Variants in STXBP5L observed in about 807,000 individuals in gnomAD.
STXBP5L encodes the protein syntaxin binding protein 5L, also known as syntaxin-binding protein 5-like.
A neutral mutation model predicts 144.5 loss-of-function variants in STXBP5L; 65 were observed. The ratio of observed to expected loss-of-function variants is 0.45; its 90% CI spans 0.37 to 0.55. STXBP5L has a LOEUF of 0.55. STXBP5L is among the 20% of genes least tolerant of loss of function. STXBP5L has a pLI of 0.00. For missense variants in STXBP5L, 1,298 were observed against 1,405.5 expected, an observed-to-expected ratio of 0.92 and a Z score of 1.22; for synonymous variants, 505 against 469.6, an observed-to-expected ratio of 1.08 and a Z score of -0.97.
chr3:121,314,875 C>T (rs894834091), intron 19 of STXBP5L, among the ~76,000 whole-genome samples: 26 of 152,140 alleles, frequency 1.7e-4, no homozygotes, highest in African/African-American at 6.3e-4. Flanking sequence ...CCAAAAGACA[C>T]ATGAAAAAAT....
intron 12 of STXBP5L, among the ~76,000 whole-genome samples, chr3:121,236,855 T>TA (rs1261684576): frequency 6.6e-6 from 1 of 152,238 alleles, no homozygotes; most frequent in Non-Finnish European, 1.5e-5. Context: ...ACTTCCAAGG[T>TA]AAAAATGGTT....
intron 3 of STXBP5L, among the ~76,000 whole-genome samples, chr3:120,977,450 G>C (rs1013822191): frequency 6.6e-6 from 1 of 152,154 alleles, no homozygotes; most frequent in African/African-American, 2.4e-5. Context: ...CTGCACGTGA[G>C]ATGGGTTTCC....
intron 19 of STXBP5L, among the ~76,000 whole-genome samples, chr3:121,309,484 C>G (rs944680529): frequency 6.6e-6 from 1 of 151,900 alleles, no homozygotes; most frequent in South Asian, 2.1e-4. Flanking sequence ...AACAGAGTTA[C>G]AAAATACATG....
chr3:121,370,323 A>C (rs968690796), intron 20 of STXBP5L, among the ~76,000 whole-genome samples: 2 of 152,152 alleles, frequency 1.3e-5, no homozygotes, highest in African/African-American at 2.4e-5. Flanking sequence ...AGCTGACATT[A>C]CACCACTGCA....
intron 9 of STXBP5L, among the ~76,000 whole-genome samples, chr3:121,204,786 A>T (rs111660894): frequency 0.019 from 2,940 of 152,252 alleles, 91 homozygotes; most frequent in African/African-American, 0.066. Flanking sequence ...AACCAAAATG[A>T]GAAAGAATTA....
At chr3:121,159,061 T>C (rs910088222) in intron 9 of STXBP5L, 3 of 152,082 alleles carry the variant, frequency 2.0e-5, no homozygotes, top group Non-Finnish European at 4.4e-5. Flanking sequence ...ATTTTGATAA[T>C]AGAGGCATTT....
intron 8 of STXBP5L, among the ~76,000 whole-genome samples, chr3:121,155,391 G>A (rs1490995595): frequency 6.6e-6 from 1 of 151,756 alleles, no homozygotes; most frequent in African/African-American, 2.4e-5. Flanking sequence ...TTTAGCCCCT[G>A]TAAAACTATT....
chr3:120,912,131 C>A (rs1271406845), intron 2 of STXBP5L, among the ~76,000 whole-genome samples: 1 of 151,888 alleles, frequency 6.6e-6, no homozygotes, highest in Non-Finnish European at 1.5e-5. Flanking sequence ...TTTCTACATC[C>A]CCAGTACTTG....
At chr3:121,342,351 T>A (rs9845254) in intron 20 of STXBP5L, among the ~76,000 whole-genome samples, 15,183 of 152,060 alleles carry the variant, frequency 0.1, 1,176 homozygotes, top group Admixed American at 0.2. Context: ...ATACTATTTT[T>A]TTATTATTAT....
At chr3:121,051,661 A>C (rs1325616806) in intron 5 of STXBP5L, among the ~76,000 whole-genome samples, 1 of 152,202 alleles carries the variant, frequency 6.6e-6, no homozygotes, top group African/African-American at 2.4e-5. Context: ...ACACCCTAAC[A>C]TCAAAATTAA....
At chr3:120,970,600 C>T (rs1270632173) in intron 3 of STXBP5L, among the ~76,000 whole-genome samples, 2 of 151,944 alleles carry the variant, frequency 1.3e-5, no homozygotes, top group Non-Finnish European at 2.9e-5. Context: ...CTTTGAGTAT[C>T]CTGTCTTTTC....
intron 3 of STXBP5L, among the ~76,000 whole-genome samples, chr3:120,959,300 C>A (rs1938451641): frequency 1.3e-5 from 2 of 152,196 alleles, no homozygotes; most frequent in African/African-American, 4.8e-5. Context: ...TAGGAAGAAT[C>A]AATGTCTTGA....
intron 5 of STXBP5L, among the ~76,000 whole-genome samples, chr3:121,076,199 C>T (rs918755016): frequency 6.6e-6 from 1 of 152,182 alleles, no homozygotes; most frequent in African/African-American, 2.4e-5. Flanking sequence ...AGGCAGCCGA[C>T]CTCATCCCCT....
chr3:121,172,997 G>A (rs907210581), intron 9 of STXBP5L, among the ~76,000 whole-genome samples: 1 of 149,728 alleles, frequency 6.7e-6, no homozygotes, highest in African/African-American at 2.4e-5. Flanking sequence ...ATACTATGCA[G>A]CCATAAAAAA....
intron 9 of STXBP5L, 69 bp from the exon 10 acceptor site, chr3:121,205,854 T>C: frequency 1.3e-6 from 1 of 781,148 alleles, no homozygotes. Flanking sequence ...ATTCCCTTAG[T>C]CAAATTTTTT....
chr3:121,001,132 C>A (rs1943741173), intron 3 of STXBP5L, among the ~76,000 whole-genome samples: 1 of 152,188 alleles, frequency 6.6e-6, no homozygotes, highest in Admixed American at 6.5e-5. Context: ...TGGCAGGTGG[C>A]AGCAGCATGG....
chr3:121,378,686 A>G (rs761827350), intron 20 of STXBP5L, 30 bp from the exon 21 acceptor site: 1 of 1,606,244 alleles, frequency 6.2e-7, no homozygotes, highest in Non-Finnish European at 8.5e-7. Context: ...TAATCATTAT[A>G]TGTATGCTGC....
intron 3 of STXBP5L, among the ~76,000 whole-genome samples, chr3:120,962,284 G>C (rs1004813575): frequency 4.6e-5 from 7 of 152,158 alleles, no homozygotes; most frequent in African/African-American, 1.7e-4. Context: ...AGTTTAATTA[G>C]ATCCCATTTG....
chr3:121,118,079 ACAT>A (rs1393239641), intron 6 of STXBP5L, among the ~76,000 whole-genome samples: 1 of 151,750 alleles, frequency 6.6e-6, no homozygotes, highest in East Asian at 1.9e-4. Context: ...CTCATGTTTA[ACAT>A]CATTCAAGCA....
Sources: allele counts gnomAD v4.1 joint callset (sites outside exome capture counted in the v4.1 genomes callset), GRCh38; gene constraint gnomAD v4.1.1; transcripts MANE v1.5; gene names NCBI Gene and HGNC (gene_info 2026-07-23, HGNC 2026-07-21).